The following MYO16 variants were observed in gnomAD, a reference collection of about 807,000 sequenced individuals.
MYO16 encodes the protein unconventional myosin-XVI.
MYO16 carries 94 observed loss-of-function variants against 205.3 expected under a neutral mutation model. The ratio of observed to expected loss-of-function variants is 0.46; its 90% CI spans 0.39 to 0.54. MYO16 has a LOEUF of 0.54. MYO16 is among the 20% of genes least tolerant of loss of function. The pLI, the probability that MYO16 is intolerant of heterozygous loss-of-function variation, is 0.00. For synonymous variants in MYO16, 988 were observed against 954.0 expected (o/e 1.04, Z -0.66); for missense variants, 2,315 against 2,387.5 (o/e 0.97, Z 0.63).
rs1411641571 is a variant in MYO16 at position 108,787,472 on chromosome 13, AC to A, written c.616+1730del. 9.2e-5 allele frequency among the ~76,000 whole-genome samples: 14 copies of A among 152,358 alleles called. No homozygotes were observed. The East Asian group carries it at 2.7e-3, about 29-fold the overall frequency. ...ATAAATGTTTCTTTTAGAAAATAAA[AC>A]GACATTTATTTGCAAATGCATTCAC... is the stretch of plus-strand genomic sequence containing the variant. On this transcript the variant is annotated intron_variant, in intron 5 of 34. Coordinates refer to ENST00000457511, the MANE Select transcript of MYO16 (RefSeq NM_001198950.3).
chr13:108,605,621 G>T (rs1355343030), intron 1 of MYO16, among the ~76,000 whole-genome samples: 1 of 152,150 alleles, frequency 6.6e-6, no homozygotes, highest in African/African-American at 2.4e-5. Flanking sequence ...GGACTTGTTT[G>T]CTTCCCCTTC....
chr13:108,983,243 C>T (rs1355476244), intron 20 of MYO16, among the ~76,000 whole-genome samples: 1 of 152,170 alleles, frequency 6.6e-6, no homozygotes, highest in Non-Finnish European at 1.5e-5. Flanking sequence ...TCTCCTCTTT[C>T]TCTCTCCTGT....
chr13:108,691,584 C>T (rs1882899106), intron 2 of MYO16, among the ~76,000 whole-genome samples: 1 of 152,122 alleles, frequency 6.6e-6, no homozygotes, highest in Admixed American at 6.6e-5. Flanking sequence ...TCCTGCCCAG[C>T]CTGGAGTACA....
chr13:108,920,258 C>G (rs1881679729), intron 16 of MYO16, among the ~76,000 whole-genome samples: 1 of 152,146 alleles, frequency 6.6e-6, no homozygotes, highest in South Asian at 2.1e-4. Flanking sequence ...AAATAGACCT[C>G]TGCCTTTTGT....
intron 16 of MYO16, among the ~76,000 whole-genome samples, chr13:108,936,333 G>T (rs1594409108): frequency 6.6e-6 from 1 of 151,944 alleles, no homozygotes; most frequent in East Asian, 1.9e-4. Flanking sequence ...GTAAAAATTT[G>T]CTGTGAATCA....
chr13:108,860,190 G>A (rs1376073606), intron 11 of MYO16, among the ~76,000 whole-genome samples: 1 of 146,050 alleles, frequency 6.8e-6, no homozygotes, highest in Non-Finnish European at 1.5e-5. Flanking sequence ...GTAGGCCCTG[G>A]TGACTACCGT....
At chr13:108,805,925 A>AAAATAAATAAATAAAT (rs113156198) in intron 6 of MYO16, among the ~76,000 whole-genome samples, 52,449 of 136,720 alleles carry the variant, frequency 0.38, 11,495 homozygotes, top group East Asian at 0.62. Flanking sequence ...AGTCTCTACC[A>AAAATAAATAAATAAAT]AAATAAATAA....
chr13:109,186,933 T>C (rs1215141476), intron 34 of MYO16, among the ~76,000 whole-genome samples: 1 of 152,186 alleles, frequency 6.6e-6, no homozygotes, highest in Non-Finnish European at 1.5e-5. Context: ...TTTTCAACTG[T>C]AGTGGTTATT....
At chr13:108,843,815 A>T (rs1358105323) in intron 9 of MYO16, among the ~76,000 whole-genome samples, 2 of 152,182 alleles carry the variant, frequency 1.3e-5, no homozygotes, top group Non-Finnish European at 2.9e-5. Flanking sequence ...TATAGAATTA[A>T]CAAAAGTTAC....
intron 4 of MYO16, among the ~76,000 whole-genome samples, chr13:108,766,272 A>T (rs1885773897): frequency 6.6e-6 from 1 of 152,184 alleles, no homozygotes; most frequent in Admixed American, 6.5e-5. Context: ...CTCAGCAGTT[A>T]TCTGGTTGAT....
chr13:108,976,953 G>T (rs1594441273), intron 20 of MYO16, among the ~76,000 whole-genome samples: 1 of 152,206 alleles, frequency 6.6e-6, no homozygotes, highest in East Asian at 1.9e-4. Context: ...ACAACTAAAA[G>T]CCAAGATTCC....
chr13:108,575,918 A>G, the MYO16 span, among the ~76,000 whole-genome samples: 7 of 152,186 alleles, frequency 4.6e-5, no homozygotes, highest in African/African-American at 1.7e-4. Flanking sequence ...AAATCCTTCT[A>G]GGTAGACCCT....
chr13:108,659,173 G>T (rs527900490), intron 1 of MYO16, among the ~76,000 whole-genome samples: 11 of 148,650 alleles, frequency 7.4e-5, no homozygotes, highest in African/African-American at 2.7e-4. Context: ...AAACCAAGGT[G>T]CATGGAAACC....
chr13:109,202,354 A>G (rs1464871134), intron 34 of MYO16, among the ~76,000 whole-genome samples: 1 of 152,096 alleles, frequency 6.6e-6, no homozygotes, highest in Non-Finnish European at 1.5e-5. Context: ...CACTGCATCT[A>G]TGCCAACATT....
At chr13:108,988,104 G>A (rs908215284) in intron 20 of MYO16, among the ~76,000 whole-genome samples, 4 of 152,156 alleles carry the variant, frequency 2.6e-5, no homozygotes, top group Non-Finnish European at 5.9e-5. Context: ...TGTTAATTTT[G>A]CCTATAGGAT....
At position 108,911,751 on chromosome 13, in the gene MYO16, T is replaced by A. The variant is rs1158860565; in HGVS notation, c.1925+1601T>A. 3.3e-5 allele frequency among the ~76,000 whole-genome samples: 5 copies of A among 152,264 alleles called. No individual in the cohort carries two copies. The East Asian group carries it at 9.7e-4, about 29-fold the overall frequency. On this transcript the variant is annotated intron_variant, in intron 16 of 34. Transcript: ENST00000457511. The stretch of plus-strand genomic sequence containing the variant: ...AGCTGGAACCAGAGAGCTAAATTCC[T>A]GGTATGGTAGTGGGGAGGTGGTGTT...
intron 32 of MYO16, among the ~76,000 whole-genome samples, chr13:109,158,121 T>G (rs1878166572): frequency 6.6e-6 from 1 of 152,166 alleles, no homozygotes; most frequent in Admixed American, 6.5e-5. Flanking sequence ...AGCTCTCATG[T>G]TCCCCAGAGT....
the MYO16 span, among the ~76,000 whole-genome samples, chr13:108,516,778 G>C: frequency 1.3e-5 from 2 of 152,128 alleles, no homozygotes; most frequent in African/African-American, 4.8e-5. Context: ...TATGTGAATA[G>C]AATTATTCAT....
intron 14 of MYO16, among the ~76,000 whole-genome samples, chr13:108,892,384 C>T (rs367577115): frequency 5.3e-5 from 8 of 152,190 alleles, no homozygotes; most frequent in African/African-American, 1.2e-4. Flanking sequence ...GGATTACAGG[C>T]GTGTGCCACC....
Sources: gnomAD v4.1 joint callset for allele counts (sites outside exome capture counted in the v4.1 genomes callset) on GRCh38, gnomAD v4.1.1 for gene constraint, MANE v1.5 for transcripts, NCBI Gene and HGNC (gene_info 2026-07-23, HGNC 2026-07-21) for gene names.